Variants in ANAPC7 observed in about 807,000 individuals in gnomAD.
ANAPC7 encodes anaphase-promoting complex subunit 7.
A neutral mutation model predicts 63.3 loss-of-function variants in ANAPC7; 25 were observed. That is an observed-to-expected ratio of 0.39 (90% CI 0.29 to 0.55). ANAPC7 has a LOEUF of 0.55. Ranked by LOEUF, ANAPC7 falls within the 20% of genes least tolerant of loss-of-function variation. The pLI is 0.57. For missense variants in ANAPC7, 516 were observed against 691.7 expected (o/e 0.75, Z 2.85); for synonymous variants, 241 against 251.7 (o/e 0.96, Z 0.40).
chr12:110,382,230 G>T (rs1881921893), intron 7 of ANAPC7, among the ~76,000 whole-genome samples: 1 of 151,036 alleles, frequency 6.6e-6, no homozygotes, highest in Non-Finnish European at 1.5e-5. Context: ...CAGAGAATTT[G>T]TAAAGCCAGG....
chr12:110,384,513 C>T (rs1334466486), intron 6 of ANAPC7, among the ~76,000 whole-genome samples: 7 of 151,602 alleles, frequency 4.6e-5, no homozygotes, highest in African/African-American at 1.5e-4. Flanking sequence ...TAGTGAAACC[C>T]CATCTCTACT....
intron 6 of ANAPC7, among the ~76,000 whole-genome samples, chr12:110,383,894 A>G (rs1156713090): frequency 2.0e-3 from 260 of 132,116 alleles, no homozygotes; most frequent in Non-Finnish European, 2.1e-3. Context: ...AAAAAAAAAA[A>G]AAAAGAAAAA....
At chr12:110,384,686 C>CA (rs1162871432) in intron 6 of ANAPC7, among the ~76,000 whole-genome samples, 102 of 137,426 alleles carry the variant, frequency 7.4e-4, no homozygotes, top group Middle Eastern at 3.7e-3. Flanking sequence ...AAAAAAAAAA[C>CA]AAAAAAAAAC....
At chr12:110,386,004 A>G (rs1180759653) in intron 6 of ANAPC7, among the ~76,000 whole-genome samples, 1 of 152,216 alleles carries the variant, frequency 6.6e-6, no homozygotes, top group Non-Finnish European at 1.5e-5. Flanking sequence ...TTATGGTTTT[A>G]GGGATGCCAT....
chr12:110,375,004 C>A (rs1462070297), intron 10 of ANAPC7, among the ~76,000 whole-genome samples: 1 of 152,154 alleles, frequency 6.6e-6, no homozygotes, highest in Non-Finnish European at 1.5e-5. Context: ...GACCATCACC[C>A]AAGCCAGCAG....
chr12:110,402,061 G>A (rs967431230), intron 1 of ANAPC7, among the ~76,000 whole-genome samples: 1 of 151,200 alleles, frequency 6.6e-6, no homozygotes, highest in South Asian at 2.1e-4. Context: ...TGTAATCCCA[G>A]CTACTTGGTT....
intron 1 of ANAPC7, among the ~76,000 whole-genome samples, chr12:110,397,655 T>A (rs1253670884): frequency 2.0e-5 from 3 of 151,972 alleles, no homozygotes; most frequent in African/African-American, 7.3e-5. Flanking sequence ...CCCAGCACTT[T>A]GGGACACCAA....
At chr12:110,401,001 G>T (rs1251059459) in intron 1 of ANAPC7, among the ~76,000 whole-genome samples, 1 of 152,078 alleles carries the variant, frequency 6.6e-6, no homozygotes, top group East Asian at 1.9e-4. Context: ...AGTCAGCCGA[G>T]ATCGCACCAC....
Position 110,387,869 on chromosome 12 carries a change from C to CT in ANAPC7, c.543dup (p.Gly182ArgfsTer17). On this transcript the variant is annotated frameshift_variant, in exon 5 of 11. Coordinates refer to ENST00000455511, the MANE Select transcript of ANAPC7 (RefSeq NM_016238.3). LOFTEE classifies it high-confidence loss of function. Reference sequence around the variant, plus strand: ...ATTGTCATGGATGCCACCTCTGCCCCTTTTACAGAAAGGGACAACAAGCCT... The same window carrying CT: ...ATTGTCATGGATGCCACCTCTGCCCCTTTTTACAGAAAGGGACAACAAGCCT... 1 of 1,614,010 alleles carries CT rather than the reference C, an allele frequency of 6.2e-7. No individual in the cohort carries two copies.
chr12:110,389,056 T>A (rs1882864656), intron 3 of ANAPC7, among the ~76,000 whole-genome samples: 1 of 139,454 alleles, frequency 7.2e-6, no homozygotes. Context: ...CACTCCAGCC[T>A]GGGCTACAGA....
intron 10 of ANAPC7, among the ~76,000 whole-genome samples, chr12:110,374,728 G>C (rs997526251): frequency 3.3e-5 from 5 of 152,116 alleles, no homozygotes; most frequent in African/African-American, 1.2e-4. Flanking sequence ...CAAAAAATAG[G>C]AATTTCTCTG....
chr12:110,396,558 T>C (rs949822105), intron 1 of ANAPC7, 106 bp from the exon 2 acceptor site: 177 of 851,848 alleles, frequency 2.1e-4, no homozygotes, highest in Non-Finnish European at 2.7e-4. Flanking sequence ...TCACCCAGGC[T>C]GGAGTGCAGT....
At chr12:110,402,565 AC>A (rs1260848006) in intron 1 of ANAPC7, among the ~76,000 whole-genome samples, 1 of 151,916 alleles carries the variant, frequency 6.6e-6, no homozygotes, top group East Asian at 1.9e-4. Flanking sequence ...CGATCTCCTG[AC>A]CTCGTGATCC....
chr12:110,384,637 T>C lies in ANAPC7; in HGVS notation c.818-1677A>G, dbSNP rs149218420. ...AGGTGGAGGTTGCAGTGAGCCGAGA[T>C]TGCACCACTGCACTCCAGCCTGTGA... On this transcript the variant is annotated intron_variant, in intron 6 of 10. Coordinates refer to ENST00000455511, the MANE Select transcript of ANAPC7 (RefSeq NM_016238.3). Among the ~76,000 whole-genome samples the C allele has an allele frequency of 6.4e-4, 96 of 151,074 alleles. No homozygotes were observed. The East Asian group carries it at 7.6e-3, about 12-fold the overall frequency.
In ANAPC7 at chr12:110,376,071, T is replaced by G. The variant is rs1414972533; in HGVS notation, c.1503A>C (p.Ala501=). ...YQEAMDQYSI[A]LSLDPNDQKS... The stretch of plus-strand genomic sequence containing the variant: ...CAAGGGAGGCTAGTGCCTACCTTAG[T>G]GCTATACTATACTGGTCCATTGCCT... Residue 501 remains alanine, a synonymous_variant, in exon 10 of 11, where the codon GCA becomes GCC. Transcript: ENST00000455511. The G allele has an allele frequency of 3.7e-6, 6 of 1,613,506 alleles. No homozygotes were observed.
intron 7 of ANAPC7, among the ~76,000 whole-genome samples, chr12:110,382,474 A>G (rs1472623989): frequency 7.8e-6 from 1 of 127,808 alleles, no homozygotes; most frequent in Non-Finnish European, 1.6e-5. Context: ...ATATATATAT[A>G]TATATATATA....
At chr12:110,390,043 A>G (rs1444244115) in intron 3 of ANAPC7, among the ~76,000 whole-genome samples, 1 of 152,178 alleles carries the variant, frequency 6.6e-6, no homozygotes, top group African/African-American at 2.4e-5. Context: ...AATAGTACAC[A>G]GATAAACACA....
chr12:110,387,249 G>GAC (rs1882559789), intron 5 of ANAPC7: 1 of 110,142 alleles, frequency 9.1e-6, no homozygotes, highest in African/African-American at 3.7e-5. Flanking sequence ...CAGAGAGACA[G>GAC]AGAGACAGAG....
At position 110,388,561 on chromosome 12, in the gene ANAPC7, G is replaced by A; in HGVS notation, c.471C>T (p.Ser157=). The change falls in exon 4 of 11, where the codon AGC becomes AGT. Residue 157 remains serine (S), a synonymous_variant. Coordinates refer to ENST00000455511, the MANE Select transcript of ANAPC7 (RefSeq NM_016238.3). ...GGCACTGCCTCAGCACCTCCTTATA[G>A]CTGGTGACTGAAGGGCGCTCCTGAC... ...KAGQERPSVT[S]YKEVLRQCPL... 6.2e-7 allele frequency: 1 copy of A among 1,614,114 alleles called. No homozygotes were observed. Among genetic ancestry groups the A allele is most frequent in the Non-Finnish European group, 8.5e-7 (1 of 1,180,018 alleles).
Sources: allele counts gnomAD v4.1 joint callset (sites outside exome capture counted in the v4.1 genomes callset), GRCh38; gene constraint gnomAD v4.1.1; transcripts MANE v1.5; gene names NCBI Gene and HGNC (gene_info 2026-07-23, HGNC 2026-07-21).